The following STARD13 variants were observed in gnomAD, a reference collection of about 807,000 sequenced individuals.
STARD13 encodes the protein stAR-related lipid transfer protein 13.
Under a neutral mutation model 106.4 loss-of-function variants are expected in STARD13, and 62 were observed. The ratio of observed to expected loss-of-function variants is 0.58; its 90% CI spans 0.48 to 0.72. STARD13 has a LOEUF of 0.72. Ranked by LOEUF, STARD13 falls within the 30% of genes least tolerant of loss-of-function variation. The pLI is 0.00. For missense variants in STARD13, 1,387 were observed against 1,424.0 expected, an observed-to-expected ratio of 0.97 and a Z score of 0.42; for synonymous variants, 565 against 553.0, an observed-to-expected ratio of 1.02 and a Z score of -0.31.
intron 1 of STARD13, among the ~76,000 whole-genome samples, chr13:33,302,950 C>T (rs1028454026): frequency 4.6e-5 from 7 of 152,202 alleles, no homozygotes; most frequent in Non-Finnish European, 8.8e-5. Context: ...TTCAGTCTGG[C>T]ATTAAAGGCC....
chr13:33,641,975 A>G, the STARD13 span, among the ~76,000 whole-genome samples: 1 of 152,232 alleles, frequency 6.6e-6, no homozygotes, highest in Non-Finnish European at 1.5e-5. Flanking sequence ...GATAGATACA[A>G]CTATTATCTA....
intron 1 of STARD13, among the ~76,000 whole-genome samples, chr13:33,168,932 C>T (rs551883077): frequency 7.2e-5 from 11 of 152,218 alleles, no homozygotes; most frequent in Non-Finnish European, 1.2e-4. Flanking sequence ...TGAACTTTGT[C>T]ATTAAATCCA....
At chr13:33,195,474 A>G (rs985507951) in intron 1 of STARD13, among the ~76,000 whole-genome samples, 3 of 152,294 alleles carry the variant, frequency 2.0e-5, no homozygotes, top group Middle Eastern at 3.4e-3. Context: ...TATTCTCACT[A>G]TCAGTAAGCC....
chr13:33,149,282 G>C lies in STARD13; in HGVS notation c.324-6909C>G, dbSNP rs79332353. Among the ~76,000 whole-genome samples the C allele has an allele frequency of 5.9e-5, 9 of 152,166 alleles. No individual in the cohort carries two copies. The East Asian group carries it at 1.3e-3, about 23-fold the overall frequency. On this transcript the variant is annotated intron_variant, in intron 3 of 13. Coordinates refer to ENST00000336934, the MANE Select transcript of STARD13 (RefSeq NM_178006.4). ...TGGGGGATGTTGATAGTGAGTGGGC[G>C]GGGGGCTGTGCCTGTGTGGGAACAG...
the STARD13 span, among the ~76,000 whole-genome samples, chr13:33,451,342 A>G: frequency 6.6e-6 from 1 of 152,238 alleles, no homozygotes; most frequent in African/African-American, 2.4e-5. Flanking sequence ...TGTAAGTTTT[A>G]TAATCTAGAA....
At position 33,106,854 on chromosome 13, in the gene STARD13, C is replaced by T. The variant is rs746524448; in HGVS notation, c.3128G>A (p.Gly1043Asp). 3 of 1,614,180 alleles carry T rather than the reference C, an allele frequency of 1.9e-6. No homozygotes were observed. The highest frequency in any genetic ancestry group is 1.7e-6 in the Non-Finnish European group (2 of 1,180,010). ...GTCCATCACCACTGCTCGCACACCA[C>T]CCAGGAGCTGGGCTTCCTCATGCTC... ...SVEHEEAQLL[G>D]GVRAVVMDSQ... The change falls in exon 13 of 14, where the codon GGT (glycine) becomes GAT (aspartate). Residue 1043 changes from glycine to aspartate, a missense_variant. Gly to Asp is a moderately conservative substitution (Grantham distance 94). Transcript: ENST00000336934.
intron 1 of STARD13, among the ~76,000 whole-genome samples, chr13:33,238,792 AT>A (rs1483301109): frequency 2.6e-5 from 4 of 152,074 alleles, no homozygotes; most frequent in African/African-American, 9.7e-5. Flanking sequence ...CTTTATATAC[AT>A]TATCTCTGTA....
At chr13:33,159,168 G>T (rs73179006) in intron 3 of STARD13, among the ~76,000 whole-genome samples, 5,439 of 152,134 alleles carry the variant, frequency 0.036, 233 homozygotes, top group Admixed American at 0.11. Context: ...TGCCTTTGGG[G>T]GTATGTATGG....
At chr13:33,474,020 T>A in the STARD13 span, among the ~76,000 whole-genome samples, 33,383 of 152,126 alleles carry the variant, frequency 0.22, 6,769 homozygotes, top group African/African-American at 0.54. Context: ...TTGTTTGTTT[T>A]TATGTGTGTG....
At chr13:33,672,614 T>G in the STARD13 span, among the ~76,000 whole-genome samples, 293 of 152,318 alleles carry the variant, frequency 1.9e-3, 2 homozygotes, top group African/African-American at 6.6e-3. Context: ...CAATACAAAG[T>G]AATTACTTGA....
At chr13:33,371,372 A>G in the STARD13 span, among the ~76,000 whole-genome samples, 1 of 152,232 alleles carries the variant, frequency 6.6e-6, no homozygotes, top group Non-Finnish European at 1.5e-5. Context: ...TAAGGATTTC[A>G]TACTAGACAG....
At chr13:33,400,710 G>A in the STARD13 span, among the ~76,000 whole-genome samples, 12 of 152,152 alleles carry the variant, frequency 7.9e-5, no homozygotes, top group African/African-American at 2.2e-4. Context: ...TGATCCGCCC[G>A]CCTTGGCCTC....
At chr13:33,560,036 G>A in the STARD13 span, among the ~76,000 whole-genome samples, 1 of 151,436 alleles carries the variant, frequency 6.6e-6, no homozygotes, top group Non-Finnish European at 1.5e-5. Flanking sequence ...TCTAGTCTGT[G>A]GTATTTTGTA....
chr13:33,272,971 G>A (rs986545717), intron 1 of STARD13: 2 of 152,114 alleles, frequency 1.3e-5, no homozygotes, highest in South Asian at 4.1e-4. Context: ...CTCTTTTACC[G>A]GTTAATGTTT....
the STARD13 span, among the ~76,000 whole-genome samples, chr13:33,599,730 C>G: frequency 6.6e-6 from 1 of 152,026 alleles, no homozygotes; most frequent in East Asian, 1.9e-4. Context: ...GAGAGAGAGA[C>G]AGAGAAAGAC....
chr13:33,213,781 C>T (rs1195443529), intron 1 of STARD13, among the ~76,000 whole-genome samples: 1 of 152,214 alleles, frequency 6.6e-6, no homozygotes, highest in African/African-American at 2.4e-5. Context: ...TGTCTACTAA[C>T]CTTTTACCTG....
intron 1 of STARD13, among the ~76,000 whole-genome samples, chr13:33,238,098 A>T (rs1338665380): frequency 6.6e-6 from 1 of 152,218 alleles, no homozygotes; most frequent in Non-Finnish European, 1.5e-5. Flanking sequence ...TTTCCAGCTC[A>T]GATAATCTAG....
chr13:33,359,866 A>C, the STARD13 span, among the ~76,000 whole-genome samples: 1 of 152,168 alleles, frequency 6.6e-6, no homozygotes, highest in African/African-American at 2.4e-5. Flanking sequence ...GATTAAACCT[A>C]TTTCATTCTT....
At chr13:33,378,662 CGCCT>C in the STARD13 span, among the ~76,000 whole-genome samples, 1 of 151,656 alleles carries the variant, frequency 6.6e-6, no homozygotes, top group African/African-American at 2.4e-5. Flanking sequence ...TGGTGGCGGG[CGCCT>C]GTAGTCCCAG....
Sources: gnomAD v4.1 joint callset for allele counts (sites outside exome capture counted in the v4.1 genomes callset) on GRCh38, gnomAD v4.1.1 for gene constraint, MANE v1.5 for transcripts, NCBI Gene and HGNC (gene_info 2026-07-23, HGNC 2026-07-21) for gene names.